PALLD: variants seen among roughly 807,000 people sequenced by gnomAD.
PALLD encodes palladin, cytoskeletal associated protein, also known as palladin.
Under a neutral mutation model 123.5 loss-of-function variants are expected in PALLD, and 61 were observed. The ratio of observed to expected loss-of-function variants is 0.49; its 90% CI spans 0.40 to 0.61. The LOEUF (loss-of-function observed/expected upper bound fraction) is 0.61. Among genes scored for constraint, PALLD ranks in the 20% least tolerant of loss-of-function variants. The pLI is 0.00. For missense variants in PALLD, 1,273 were observed against 1,377.0 expected, an observed-to-expected ratio of 0.92 and a Z score of 1.20; for synonymous variants, 465 against 496.4, an observed-to-expected ratio of 0.94 and a Z score of 0.84.
At chr4:168,889,926 A>G (rs1051396068) in intron 10 of PALLD, among the ~76,000 whole-genome samples, 17 of 152,222 alleles carry the variant, frequency 1.1e-4, no homozygotes, top group African/African-American at 3.6e-4. Context: ...TTGCCTGTTT[A>G]TAAATACAAG....
In PALLD at chr4:168,859,111, A is replaced by C. The variant is rs545983517; in HGVS notation, c.1965-31811A>C. Among the ~76,000 whole-genome samples the C allele has an allele frequency of 1.2e-4, 18 of 152,308 alleles. No individual in the cohort carries two copies. The South Asian group carries it at 3.7e-3, about 32-fold the overall frequency. On this transcript the variant is annotated intron_variant, in intron 10 of 21. Transcript: ENST00000505667. ...TCCTTCCTCTTGTCAACGTGTTACA[A>C]CATTTTTGCTTTGCTCTGTTACATG...
chr4:168,630,212 C>T lies in PALLD; in HGVS notation c.909-37978C>T, dbSNP rs114024749. 4.0e-3 allele frequency among the ~76,000 whole-genome samples: 603 copies of T among 152,302 alleles called. 4 individuals carry two copies. Among genetic ancestry groups the T allele is most frequent in the African/African-American group, 0.014 (564 of 41,560 alleles). On this transcript the variant is annotated intron_variant, in intron 2 of 21. Transcript: ENST00000505667. ...AGCAAGACTCACCCAACAGGGCCAC[C>T]CTGCTTCATTGTGATGCCTTTCAGA... is the stretch of plus-strand genomic sequence containing the variant.
intron 2 of PALLD, among the ~76,000 whole-genome samples, chr4:168,597,395 T>C (rs370356075): frequency 7.4e-4 from 112 of 152,166 alleles, no homozygotes; most frequent in African/African-American, 2.3e-3. Context: ...ATATTAAGCA[T>C]GCTCTTGAAT....
intron 2 of PALLD, among the ~76,000 whole-genome samples, chr4:168,663,076 G>T (rs1779275793): frequency 6.6e-6 from 1 of 152,174 alleles, no homozygotes; most frequent in Non-Finnish European, 1.5e-5. Context: ...TAAACTATTT[G>T]TTCAGTCCTT....
chr4:168,652,021 A>AG (rs1225175863), intron 2 of PALLD, among the ~76,000 whole-genome samples: 1 of 152,130 alleles, frequency 6.6e-6, no homozygotes, highest in Non-Finnish European at 1.5e-5. Context: ...GGCAGATTCA[A>AG]CACTCCACAC....
chr4:168,662,086 ATG>A (rs1008116650), intron 2 of PALLD, among the ~76,000 whole-genome samples: 3 of 152,218 alleles, frequency 2.0e-5, no homozygotes, highest in Non-Finnish European at 2.9e-5. Flanking sequence ...AAAATAAAAA[ATG>A]TGATTGAAGT....
rs114397563 is a variant in PALLD at position 168,707,707 on chromosome 4, G to A, written c.1502-1321G>A. Among the ~76,000 whole-genome samples, 1,420 of 152,262 alleles carry A rather than the reference G, an allele frequency of 9.3e-3. 17 individuals are homozygous for A. Among genetic ancestry groups the A allele is most frequent in the African/African-American group, 0.032 (1,326 of 41,546 alleles). On this transcript the variant is annotated intron_variant, in intron 8 of 21. Transcript: ENST00000505667. The stretch of plus-strand genomic sequence containing the variant: ...TGTTGCAGAGGCACATTAAAAAGAG[G>A]CATGTCTACAAAGGAAGGAATAATT...
At chr4:168,800,096 A>G (rs1173681555) in intron 10 of PALLD, among the ~76,000 whole-genome samples, 3 of 152,230 alleles carry the variant, frequency 2.0e-5, no homozygotes, top group African/African-American at 7.2e-5. Context: ...GGAGAAAAAT[A>G]TAGAACATTT....
chr4:168,681,398 A>C lies in PALLD; in HGVS notation c.1154A>C (p.Gln385Pro). The C allele has an allele frequency of 1.9e-6, 3 of 1,585,098 alleles. No individual in the cohort carries two copies. The highest frequency in any genetic ancestry group is 1.7e-6 in the Non-Finnish European group (2 of 1,153,810). Residue 385 changes from glutamine to proline, a missense_variant and splice_region_variant, in exon 4 of 22, where the codon CAA becomes CCA. By Grantham distance (76) the Gln-to-Pro change is moderately conservative. Coordinates refer to ENST00000505667, the MANE Select transcript of PALLD (RefSeq NM_001166108.2). ...AAATCAAGAGCTGGAGCTATGCCAC[A>C]GTAAGTGCCTACAATTCCATCGATT... ...AFKSRAGAMP[Q>P]AQKKTTSVSL...
chr4:168,743,550 G>A (rs139636158), intron 10 of PALLD, among the ~76,000 whole-genome samples: 2 of 152,124 alleles, frequency 1.3e-5, no homozygotes, highest in African/African-American at 4.8e-5. Context: ...AGATTTGATG[G>A]GTTTGTTCAA....
chr4:168,815,552 AT>A (rs1161128722), intron 10 of PALLD, among the ~76,000 whole-genome samples: 29 of 152,358 alleles, frequency 1.9e-4, no homozygotes, highest in African/African-American at 6.7e-4. Flanking sequence ...CTATTTCCAC[AT>A]TGGTCACCAT....
At chr4:168,608,680 G>A (rs1467023715) in intron 2 of PALLD, among the ~76,000 whole-genome samples, 1 of 152,052 alleles carries the variant, frequency 6.6e-6, no homozygotes, top group Non-Finnish European at 1.5e-5. Flanking sequence ...TGCTGCTGTT[G>A]TTGTTGCTGC....
At chr4:168,721,571 T>C (rs765688407) in intron 10 of PALLD, among the ~76,000 whole-genome samples, 3 of 152,228 alleles carry the variant, frequency 2.0e-5, no homozygotes, top group Non-Finnish European at 4.4e-5. Flanking sequence ...TTATATCTTC[T>C]CATTAACTAT....
intron 10 of PALLD, among the ~76,000 whole-genome samples, chr4:168,822,320 C>T (rs1393529799): frequency 2.6e-5 from 4 of 152,012 alleles, no homozygotes; most frequent in Non-Finnish European, 5.9e-5. Flanking sequence ...TAGCAAAGTA[C>T]TCTTCACCAC....
chr4:168,784,022 A>G (rs1472345913), intron 10 of PALLD, among the ~76,000 whole-genome samples: 2 of 152,152 alleles, frequency 1.3e-5, no homozygotes, highest in Non-Finnish European at 2.9e-5. Flanking sequence ...AGGCAGGAGG[A>G]TAACTTGAGG....
intron 15 of PALLD, among the ~76,000 whole-genome samples, chr4:168,905,237 G>A (rs531289917): frequency 2.4e-4 from 30 of 124,458 alleles, no homozygotes; most frequent in African/African-American, 2.4e-4. Context: ...TGCAAGCTCC[G>A]CCTCCTGCGT....
chr4:168,611,409 C>A (rs1159833410), intron 2 of PALLD, among the ~76,000 whole-genome samples: 1 of 152,188 alleles, frequency 6.6e-6, no homozygotes, highest in African/African-American at 2.4e-5. Flanking sequence ...TCCATCACAT[C>A]CTGCCGGGGG....
chr4:168,576,315 A>G (rs1769581146), intron 2 of PALLD, among the ~76,000 whole-genome samples: 1 of 151,908 alleles, frequency 6.6e-6, no homozygotes, highest in African/African-American at 2.4e-5. Flanking sequence ...TACATGTGCC[A>G]TGTTGGTGTG....
rs563135659 is a variant in PALLD, at chr4:168,916,381, G to C, written c.2850+354G>C. Among the ~76,000 whole-genome samples, 5 of 152,264 alleles carry C rather than the reference G, an allele frequency of 3.3e-5. No homozygotes were observed. In the South Asian group the frequency reaches 1.0e-3, roughly 32 times the overall value. On this transcript the variant is annotated intron_variant, in intron 17 of 21. Coordinates refer to ENST00000505667, the MANE Select transcript of PALLD (RefSeq NM_001166108.2). Reference sequence around the variant, plus strand: ...GCTATGATCGAGCCACTGAATTCCAGCCTGGGTGACAGAGCAAGACCCTGT... The same window carrying C: ...GCTATGATCGAGCCACTGAATTCCACCCTGGGTGACAGAGCAAGACCCTGT...
Sources: gnomAD v4.1 joint callset for allele counts (sites outside exome capture counted in the v4.1 genomes callset) on GRCh38, gnomAD v4.1.1 for gene constraint, MANE v1.5 for transcripts, NCBI Gene and HGNC (gene_info 2026-07-23, HGNC 2026-07-21) for gene names.